The following SKAP2 variants were observed in gnomAD, a reference collection of about 807,000 sequenced individuals.
SKAP2 encodes the protein src kinase associated phosphoprotein 2.
Under a neutral mutation model 54.9 loss-of-function variants are expected in SKAP2, and 28 were observed. That is an observed-to-expected ratio of 0.51 (90% CI 0.38 to 0.70). The LOEUF (loss-of-function observed/expected upper bound fraction) is 0.70, where lower values mean the gene tolerates loss of function less well. SKAP2 is among the 30% of genes least tolerant of loss of function. The probability of loss-of-function intolerance (pLI) is 0.00; values close to 1 mark genes in which losing one functional copy is unlikely to be tolerated. For synonymous variants in SKAP2, 137 were observed against 134.3 expected (o/e 1.02, Z -0.14); for missense variants, 356 against 424.1 (o/e 0.84, Z 1.41).
chr7:26,779,240 T>C (rs1175410917), intron 4 of SKAP2, among the ~76,000 whole-genome samples: 4 of 152,038 alleles, frequency 2.6e-5, no homozygotes, highest in African/African-American at 9.7e-5. Flanking sequence ...GTTTATAAAA[T>C]AAAAGAATGA....
intron 4 of SKAP2, among the ~76,000 whole-genome samples, chr7:26,822,698 AC>A (rs1784406123): frequency 6.7e-6 from 1 of 149,954 alleles, no homozygotes; most frequent in Non-Finnish European, 1.5e-5. Context: ...ACACGGTGAA[AC>A]CCCGTCTCTA....
intron 9 of SKAP2, among the ~76,000 whole-genome samples, chr7:26,706,383 T>A (rs1053779001): frequency 6.6e-6 from 1 of 152,198 alleles, no homozygotes; most frequent in Non-Finnish European, 1.5e-5. Flanking sequence ...ATGTTTTTTT[T>A]ATAACTAGCC....
At chr7:26,804,849 A>C (rs2769364) in intron 4 of SKAP2, among the ~76,000 whole-genome samples, 79,774 of 151,894 alleles carry the variant, frequency 0.53, 21,546 homozygotes, top group East Asian at 0.86. Flanking sequence ...ATCAACTAGT[A>C]AAAAGAAAAG....
chr7:26,728,694 A>G (rs953458821), intron 6 of SKAP2, among the ~76,000 whole-genome samples: 2 of 152,236 alleles, frequency 1.3e-5, no homozygotes, highest in East Asian at 3.9e-4. Flanking sequence ...CCACCTTCCC[A>G]ATGATCTACT....
chr7:26,684,638 C>A, intron 11 of SKAP2, 98 bp downstream of exon 11: 1 of 676,534 alleles, frequency 1.5e-6, no homozygotes, highest in Non-Finnish European at 2.6e-6. Flanking sequence ...TAGAAGAATT[C>A]CAATTGGCAT....
intron 4 of SKAP2, among the ~76,000 whole-genome samples, chr7:26,773,308 T>TC (rs1242192993): frequency 2.0e-5 from 3 of 152,234 alleles, no homozygotes; most frequent in Non-Finnish European, 4.4e-5. Flanking sequence ...CCTTCTTTTT[T>TC]CCCATTGCTG....
chr7:26,814,696 G>A (rs1473594722), intron 4 of SKAP2, among the ~76,000 whole-genome samples: 1 of 151,596 alleles, frequency 6.6e-6, no homozygotes, highest in Non-Finnish European at 1.5e-5. Context: ...TTATATGAAT[G>A]AAAACCTCTA....
At chr7:26,774,187 C>T (rs560739058) in intron 4 of SKAP2, among the ~76,000 whole-genome samples, 1 of 152,176 alleles carries the variant, frequency 6.6e-6, no homozygotes, top group South Asian at 2.1e-4. Flanking sequence ...GTGGTGCATG[C>T]CTGTAGTCCC....
At chr7:26,739,800 G>A (rs1173109730) in intron 5 of SKAP2, 87 bp downstream of exon 5, 17 of 910,544 alleles carry the variant, frequency 1.9e-5, no homozygotes, top group South Asian at 3.2e-5. Context: ...CACCTAAAAC[G>A]AATACTGCCT....
chr7:26,778,243 G>A (rs764762749), intron 4 of SKAP2, among the ~76,000 whole-genome samples: 10 of 152,078 alleles, frequency 6.6e-5, no homozygotes, highest in Non-Finnish European at 1.2e-4. Context: ...AAAAGAACAC[G>A]GCTGGGTTTA....
chr7:26,725,584 G>T lies in SKAP2; in HGVS notation c.659-19C>A. The T allele has an allele frequency of 6.4e-7, 1 of 1,554,036 alleles. No homozygotes were observed. The highest frequency in any genetic ancestry group is 1.9e-5 in the Admixed American group (1 of 51,516). On this transcript the variant is annotated intron_variant, in intron 8 of 12. Coordinates refer to ENST00000345317, the MANE Select transcript of SKAP2 (RefSeq NM_003930.5). ...TCCATATCTATAAAACACATTTCAT[G>T]AAGTAAATTTTAAAAGAATGCAGAA... is the stretch of plus-strand genomic sequence containing the variant.
the SKAP2 span, among the ~76,000 whole-genome samples, chr7:26,660,888 T>C: frequency 7.2e-5 from 11 of 152,058 alleles, no homozygotes; most frequent in Non-Finnish European, 1.6e-4. Context: ...ATTAACTCTA[T>C]ACTACCATGA....
intron 4 of SKAP2, among the ~76,000 whole-genome samples, chr7:26,765,252 A>G (rs113897798): frequency 1.2e-3 from 181 of 152,116 alleles, no homozygotes; most frequent in Admixed American, 3.5e-3. Context: ...TTTCCTTCAT[A>G]TGTTTTTTGG....
rs1784298224 is a variant in SKAP2, at chr7:26,817,650, GTC to G, written c.307+26378_307+26379del. Among the ~76,000 whole-genome samples, 3 of 152,132 alleles carry G rather than the reference GTC, an allele frequency of 2.0e-5. No homozygotes were observed. The South Asian group carries it at 6.2e-4, about 32-fold the overall frequency. On this transcript the variant is annotated intron_variant, in intron 4 of 12. Transcript: ENST00000345317. ...TTATTTCTTTTTAAAAAATCAAATT[GTC>G]TCTGTTTGCAGATGACATTATTGTA...
At position 26,739,956 on chromosome 7, in the gene SKAP2, A is replaced by G; in HGVS notation, c.316T>C (p.Phe106Leu). Residue 106 changes from phenylalanine to leucine, a missense_variant, in exon 5 of 13, where the codon TTT (phenylalanine) becomes CTT (leucine). Coordinates refer to ENST00000345317, the MANE Select transcript of SKAP2 (RefSeq NM_003930.5). ...DDEAPSDGAQFPPIAAQDLPF... is the reference protein window; with the variant it reads ...DDEAPSDGAQLPPIAAQDLPF... ...AGGTCTTGTGCTGCAATTGGAGGAA[A>G]CTGGGCTCCTATGAGAAGTTGGGGA... 6.2e-7 allele frequency: 1 copy of G among 1,608,960 alleles called. No individual in the cohort carries two copies.
the SKAP2 span, among the ~76,000 whole-genome samples, chr7:26,659,954 T>C: frequency 1.3e-5 from 2 of 152,140 alleles, no homozygotes; most frequent in Non-Finnish European, 2.9e-5. Context: ...TGGCAGAGTT[T>C]AGGGCGGCTC....
chr7:26,795,592 T>G (rs1229640616), intron 4 of SKAP2, among the ~76,000 whole-genome samples: 1 of 152,180 alleles, frequency 6.6e-6, no homozygotes, highest in Admixed American at 6.6e-5. Flanking sequence ...AAATCCATTT[T>G]GGAAAAATAT....
chr7:26,741,096 A>G (rs1782435485), intron 4 of SKAP2, among the ~76,000 whole-genome samples: 1 of 152,250 alleles, frequency 6.6e-6, no homozygotes, highest in Non-Finnish European at 1.5e-5. Context: ...TCCAGTGGAA[A>G]TAGTTTCAGT....
intron 9 of SKAP2, among the ~76,000 whole-genome samples, chr7:26,698,930 T>C (rs1786960392): frequency 6.6e-6 from 1 of 152,194 alleles, no homozygotes; most frequent in Admixed American, 6.5e-5. Context: ...TCCAATGAGA[T>C]GGATGGTGAT....
Sources: gnomAD v4.1 joint callset for allele counts (sites outside exome capture counted in the v4.1 genomes callset) on GRCh38, gnomAD v4.1.1 for gene constraint, MANE v1.5 for transcripts, NCBI Gene and HGNC (gene_info 2026-07-23, HGNC 2026-07-21) for gene names.